C4orf51: variants seen among roughly 807,000 people sequenced by gnomAD.
C4orf51 encodes uncharacterized protein C4orf51.
A neutral mutation model predicts 25.2 loss-of-function variants in C4orf51; 25 were observed. That is an observed-to-expected ratio of 0.99 (90% CI 0.72 to 1.39). The LOEUF is 1.39. C4orf51 is among the 40% of genes most tolerant of loss of function. C4orf51 has a pLI of 0.00. For missense variants in C4orf51, 252 were observed against 239.6 expected (o/e 1.05, Z -0.34); for synonymous variants, 100 against 84.5 (o/e 1.18, Z -1.01).
chr4:145,720,073 CT>C (rs1321115130), intron 2 of C4orf51, among the ~76,000 whole-genome samples: 3 of 152,112 alleles, frequency 2.0e-5, no homozygotes, highest in South Asian at 2.1e-4. Flanking sequence ...CTTATTGATC[CT>C]GGAGGTTGTG....
intron 2 of C4orf51, among the ~76,000 whole-genome samples, chr4:145,720,644 T>C (rs1192894113): frequency 1.3e-5 from 2 of 152,184 alleles, no homozygotes; most frequent in Non-Finnish European, 2.9e-5. Context: ...ACTTCCTTCC[T>C]GGTACAAGGC....
At chr4:145,731,957 A>G (rs998970064) in intron 5 of C4orf51, among the ~76,000 whole-genome samples, 2 of 152,174 alleles carry the variant, frequency 1.3e-5, no homozygotes, top group African/African-American at 4.8e-5. Context: ...ATAAATGCCC[A>G]ATTTCCTGCA....
chr4:145,767,600 C>G (rs1735501938), intron 1 of C4orf51, among the ~76,000 whole-genome samples: 1 of 152,040 alleles, frequency 6.6e-6, no homozygotes, highest in South Asian at 2.1e-4. Context: ...AGAACAAAAT[C>G]CTGAAAGTAG....
At position 145,761,139 on chromosome 4, in the gene C4orf51, C is replaced by CGAA; in HGVS notation, n.167-9848_167-9847insAAG. On this transcript the variant is annotated intron_variant and non_coding_transcript_variant, in intron 1 of 1. Transcript: ENST00000510096. The surrounding 1 kb of genome is among the most constrained non-coding windows in gnomAD (Gnocchi z 6.8). ...CCAGGAGCGGGGCCCCCGGGCCGGC[C>CGAA]GGTTCCTTGGGGGCTGGACACAGGC... 1 of 1,289,766 alleles carries CGAA rather than the reference C, an allele frequency of 7.8e-7. No individual in the cohort carries two copies. 79.9% of individuals were successfully genotyped at this position (1,289,766 alleles called of 1,614,324 possible).
chr4:145,762,280 AG>A lies in C4orf51; in HGVS notation n.167-8704del, dbSNP rs1179593537. On this transcript the variant is annotated intron_variant and non_coding_transcript_variant, in intron 1 of 1. Coordinates refer to the C4orf51 transcript ENST00000510096. The surrounding 1 kb of genome is among the most constrained non-coding windows in gnomAD (Gnocchi z 4.9). ...AGGAAAGGAAGCTGAGGACTATGGC[AG>A]GGGCATGGGAGGAGAAGGAAGCCCA... Among the ~76,000 whole-genome samples the A allele has an allele frequency of 9.9e-5, 15 of 152,154 alleles. No homozygotes were observed. Among genetic ancestry groups the A allele is most frequent in the African/African-American group, 3.6e-4 (15 of 41,422 alleles).
intron 2 of C4orf51, among the ~76,000 whole-genome samples, chr4:145,706,662 A>G (rs79995500): frequency 6.6e-6 from 1 of 151,710 alleles, no homozygotes; most frequent in East Asian, 1.9e-4. Flanking sequence ...TTTTTTTGGG[A>G]CAGAGTCTCG....
intron 1 of C4orf51, among the ~76,000 whole-genome samples, chr4:145,753,012 G>A (rs73854934): frequency 0.19 from 29,166 of 151,962 alleles, 3,798 homozygotes; most frequent in East Asian, 0.67. Context: ...CGCTGCTGGG[G>A]GCTGGGGAGG....
intron 1 of C4orf51, among the ~76,000 whole-genome samples, chr4:145,738,277 C>T (rs1440077639): frequency 6.6e-6 from 1 of 152,022 alleles, no homozygotes; most frequent in African/African-American, 2.4e-5. Flanking sequence ...TGGTGAAACC[C>T]CGTCTCTACT....
the C4orf51 span, among the ~76,000 whole-genome samples, chr4:145,777,109 G>C: frequency 1.3e-4 from 20 of 152,272 alleles, no homozygotes; most frequent in African/African-American, 3.8e-4. Context: ...ATGGAAAAAA[G>C]TTCTTCTCTA....
At chr4:145,699,448 C>T (rs1166609686) in intron 2 of C4orf51, among the ~76,000 whole-genome samples, 1 of 151,972 alleles carries the variant, frequency 6.6e-6, no homozygotes, top group African/African-American at 2.4e-5. Context: ...CTGTCTTCTC[C>T]AACCTCCCTC....
chr4:145,782,237 C>T, the C4orf51 span, among the ~76,000 whole-genome samples: 2 of 152,214 alleles, frequency 1.3e-5, no homozygotes, highest in African/African-American at 4.8e-5. Context: ...GGAGTCTTAT[C>T]CCAGAACATG....
chr4:145,743,320 A>G (rs1262646552), intron 1 of C4orf51, among the ~76,000 whole-genome samples: 2 of 152,196 alleles, frequency 1.3e-5, no homozygotes, highest in African/African-American at 2.4e-5. Context: ...TCTAAGATCA[A>G]GGGGCCAGCA....
Position 145,761,460 on chromosome 4 carries a change from C to A in C4orf51, n.167-9528C>A, listed in dbSNP as rs1162774901. On this transcript the variant is annotated intron_variant and non_coding_transcript_variant, in intron 1 of 1. Coordinates refer to the C4orf51 transcript ENST00000510096. The surrounding 1 kb of genome is among the most constrained non-coding windows in gnomAD (Gnocchi z 6.8). ...TGTAGTGGTTGCCCAGGCGGTGCTC[C>A]CGGGTGTGCGTCTCCAGCTCCAGCT... 4 of 1,289,732 alleles carry A rather than the reference C, an allele frequency of 3.1e-6. No homozygotes were observed. The highest frequency in any genetic ancestry group is 4.0e-6 in the Non-Finnish European group (4 of 988,884). The allele number at this position is 1,289,732 out of a possible 1,614,324, so 79.9% of individuals were successfully genotyped here.
chr4:145,765,791 TTA>T lies in C4orf51; in HGVS notation n.167-5194_167-5193del. On this transcript the variant is annotated intron_variant and non_coding_transcript_variant, in intron 1 of 1. Coordinates refer to the C4orf51 transcript ENST00000510096. This position sits in a 1 kb window ranked among gnomAD's most constrained non-coding sequence, Gnocchi z 4.7. ...GTTAATGAGATGAAAATCCTCAGAA[TTA>T]TAGCAACTGAGGGTGACGAGTTGAG... 6.4e-7 allele frequency: 1 copy of T among 1,558,446 alleles called. No individual in the cohort carries two copies. Among genetic ancestry groups the T allele is most frequent in the African/African-American group, 1.4e-5 (1 of 73,644 alleles).
intron 3 of C4orf51, among the ~76,000 whole-genome samples, chr4:145,728,143 C>A (rs182572182): frequency 6.7e-6 from 1 of 149,494 alleles, no homozygotes; most frequent in Non-Finnish European, 1.5e-5. Flanking sequence ...TTTGAATATA[C>A]GTTTTTGTAG....
intron 1 of C4orf51, among the ~76,000 whole-genome samples, chr4:145,745,035 T>A (rs1402045740): frequency 6.6e-6 from 1 of 152,218 alleles, no homozygotes; most frequent in Non-Finnish European, 1.5e-5. Context: ...TCTGTTTTTA[T>A]ATTAAATAGA....
intron 4 of C4orf51, among the ~76,000 whole-genome samples, chr4:145,729,508 A>G (rs547598666): frequency 4.5e-4 from 68 of 152,036 alleles, no homozygotes; most frequent in East Asian, 1.9e-3. Flanking sequence ...TCACCGTGTT[A>G]GCCAGGATGG....
At chr4:145,727,753 G>A (rs1170121635) in intron 3 of C4orf51, among the ~76,000 whole-genome samples, 1 of 149,364 alleles carries the variant, frequency 6.7e-6, no homozygotes, top group African/African-American at 2.5e-5. Context: ...ATGATGGTGC[G>A]TGCCTGTAAT....
At chr4:145,711,235 T>G (rs1731111916) in intron 2 of C4orf51, among the ~76,000 whole-genome samples, 1 of 152,204 alleles carries the variant, frequency 6.6e-6, no homozygotes, top group South Asian at 2.1e-4. Flanking sequence ...TTTGTTGAGG[T>G]GCCCCACTGC....
Sources: allele counts gnomAD v4.1 joint callset (sites outside exome capture counted in the v4.1 genomes callset), GRCh38; gene constraint gnomAD v4.1.1; non-coding constraint Gnocchi (gnomAD v3.1); transcripts MANE v1.5; gene names NCBI Gene and HGNC (gene_info 2026-07-23, HGNC 2026-07-21).